Variants in RAB3GAP1 observed in about 807,000 individuals in gnomAD.
RAB3GAP1 encodes RAB3 GTPase activating protein catalytic subunit 1.
A neutral mutation model predicts 130.7 loss-of-function variants in RAB3GAP1; 86 were observed. The ratio of observed to expected loss-of-function variants is 0.66; its 90% CI spans 0.55 to 0.79. RAB3GAP1 has a LOEUF of 0.79. Among genes scored for constraint, RAB3GAP1 ranks in the 30% least tolerant of loss-of-function variants. The pLI, the probability that RAB3GAP1 is intolerant of heterozygous loss-of-function variation, is 0.00. For missense variants in RAB3GAP1, 1,029 were observed against 1,169.4 expected (o/e 0.88, Z 1.75); for synonymous variants, 367 against 401.7 (o/e 0.91, Z 1.03).
intron 3 of RAB3GAP1, among the ~76,000 whole-genome samples, chr2:135,065,421 G>A (rs72976396): frequency 0.045 from 6,904 of 152,192 alleles, 534 homozygotes; most frequent in African/African-American, 0.16. Flanking sequence ...GTGATTCATT[G>A]CAGAAGCAGA....
At chr2:135,140,131 T>G (rs963980823) in intron 17 of RAB3GAP1, among the ~76,000 whole-genome samples, 1 of 152,228 alleles carries the variant, frequency 6.6e-6, no homozygotes, top group Non-Finnish European at 1.5e-5. Flanking sequence ...CACAATTTGT[T>G]TATCCATTCA....
intron 2 of RAB3GAP1, among the ~76,000 whole-genome samples, chr2:135,053,446 T>C (rs1231817548): frequency 6.6e-6 from 1 of 152,114 alleles, no homozygotes; most frequent in Admixed American, 6.6e-5. Context: ...TGTGGAGGAG[T>C]GATAGCTTAG....
At chr2:135,119,201 C>T (rs1216551931) in intron 7 of RAB3GAP1, among the ~76,000 whole-genome samples, 2 of 151,680 alleles carry the variant, frequency 1.3e-5, no homozygotes, top group African/African-American at 2.4e-5. Flanking sequence ...CTCTGCCTCC[C>T]GGGATCAAGC....
chr2:135,126,942 C>G (rs1263840538), intron 11 of RAB3GAP1, among the ~76,000 whole-genome samples: 1 of 151,494 alleles, frequency 6.6e-6, no homozygotes, highest in African/African-American at 2.4e-5. Context: ...AGTGGCATGT[C>G]TCGGCTCACT....
intron 17 of RAB3GAP1, chr2:135,136,647 G>GT: frequency 8.9e-7 from 1 of 1,128,800 alleles, no homozygotes; most frequent in South Asian, 1.4e-5. Flanking sequence ...GTATGTTTTT[G>GT]TTTAACTTGT....
intron 3 of RAB3GAP1, among the ~76,000 whole-genome samples, chr2:135,079,480 A>G (rs1689724103): frequency 6.6e-6 from 1 of 152,170 alleles, no homozygotes; most frequent in African/African-American, 2.4e-5. Context: ...CTGAACTAGG[A>G]CTGATATTCA....
chr2:135,121,719 CT>C (rs1462404174), intron 8 of RAB3GAP1, among the ~76,000 whole-genome samples: 5 of 152,102 alleles, frequency 3.3e-5, no homozygotes, highest in Non-Finnish European at 7.4e-5. Context: ...AACTAATATT[CT>C]TTACTGTTTA....
intron 17 of RAB3GAP1, 59 bp from the exon 18 acceptor site, chr2:135,150,310 A>T: frequency 6.3e-7 from 1 of 1,595,356 alleles, no homozygotes; most frequent in Admixed American, 1.7e-5. Flanking sequence ...TTCTATTTTT[A>T]TGGTACTTCT....
At chr2:135,061,835 T>C (rs10180120) in intron 3 of RAB3GAP1, among the ~76,000 whole-genome samples, 3,682 of 152,270 alleles carry the variant, frequency 0.024, 126 homozygotes, top group African/African-American at 0.082. Context: ...TGGAGGGAAG[T>C]AGGGATCAAG....
rs1465260207 is a variant in RAB3GAP1 at position 135,056,293 on chromosome 2, C to T, written c.75-1718C>T. On this transcript the variant is annotated intron_variant, in intron 2 of 23. Transcript: ENST00000264158. The stretch of plus-strand genomic sequence containing the variant: ...TCTTGGCTCACTGCAACCTCTGCCA[C>T]CTGGGTTCAACCAATTCTCCTGCAT... Among the ~76,000 whole-genome samples the T allele has an allele frequency of 2.6e-5, 4 of 152,228 alleles. No homozygotes were observed. The South Asian group carries it at 8.3e-4, about 32-fold the overall frequency.
intron 10 of RAB3GAP1, 72 bp from the exon 11 acceptor site, chr2:135,126,511 G>A (rs991345459): frequency 1.2e-5 from 17 of 1,362,760 alleles, no homozygotes; most frequent in Non-Finnish European, 1.6e-5. Flanking sequence ...TCATTAGACT[G>A]CATTTTAATA....
chr2:135,074,915 T>C lies in RAB3GAP1; in HGVS notation c.151-16083T>C, dbSNP rs368170519. 1.3e-4 allele frequency among the ~76,000 whole-genome samples: 20 copies of C among 152,290 alleles called. No individual in the cohort carries two copies. In the South Asian group the frequency reaches 4.1e-3, roughly 32 times the overall value. ...AAAGGGGCCATGTATGGACGAGATA[T>C]TTGGGAACAGAATGTTGTGCCAGCA... is the stretch of plus-strand genomic sequence containing the variant. On this transcript the variant is annotated intron_variant, in intron 3 of 23. Transcript: ENST00000264158.
chr2:135,112,196 T>A (rs1690821971), intron 5 of RAB3GAP1, among the ~76,000 whole-genome samples: 1 of 152,052 alleles, frequency 6.6e-6, no homozygotes, highest in African/African-American at 2.4e-5. Context: ...GACCTCAAAC[T>A]GTAATATGAT....
At chr2:135,104,567 T>C (rs1558776965) in intron 5 of RAB3GAP1, among the ~76,000 whole-genome samples, 1 of 152,052 alleles carries the variant, frequency 6.6e-6, no homozygotes, top group African/African-American at 2.4e-5. Flanking sequence ...AAGAACCAAA[T>C]GGCGGCCAGG....
At chr2:135,080,816 C>A (rs1053944509) in intron 3 of RAB3GAP1, among the ~76,000 whole-genome samples, 6 of 152,092 alleles carry the variant, frequency 3.9e-5, no homozygotes, top group African/African-American at 1.4e-4. Context: ...GAATGAAAGT[C>A]AAAAGTTGCG....
intron 5 of RAB3GAP1, among the ~76,000 whole-genome samples, chr2:135,110,835 T>C (rs1690781692): frequency 6.6e-6 from 1 of 152,138 alleles, no homozygotes; most frequent in Non-Finnish European, 1.5e-5. Context: ...ATAATTGTAT[T>C]TGAGGGTAGG....
At chr2:135,056,684 C>T (rs1689021891) in intron 2 of RAB3GAP1, among the ~76,000 whole-genome samples, 1 of 152,058 alleles carries the variant, frequency 6.6e-6, no homozygotes. Context: ...TTAAATTTTT[C>T]CTCTTTGGTA....
At chr2:135,150,260 C>T in intron 17 of RAB3GAP1, 109 bp from the exon 18 acceptor site, 1 of 1,308,850 alleles carries the variant, frequency 7.6e-7, no homozygotes. Flanking sequence ...TAAAAATACT[C>T]ATCTTGTGAC....
intron 3 of RAB3GAP1, among the ~76,000 whole-genome samples, chr2:135,060,520 A>G (rs1689139296): frequency 6.6e-6 from 1 of 151,794 alleles, no homozygotes; most frequent in African/African-American, 2.4e-5. Context: ...TCGGCCTCCC[A>G]AAGTGCTGGG....
Sources: allele counts gnomAD v4.1 joint callset (sites outside exome capture counted in the v4.1 genomes callset), GRCh38; gene constraint gnomAD v4.1.1; transcripts MANE v1.5; gene names NCBI Gene and HGNC (gene_info 2026-07-23, HGNC 2026-07-21).